NRG3: variants seen among roughly 807,000 people sequenced by gnomAD.
The protein encoded by NRG3 is neuregulin 3.
Under a neutral mutation model 66.9 loss-of-function variants are expected in NRG3, and 31 were observed. The observed-to-expected ratio is 0.46, with a 90% confidence interval of 0.35 to 0.63. NRG3 has a LOEUF of 0.63. NRG3 is among the 20% of genes least tolerant of loss of function. The pLI is 0.00. For synonymous variants in NRG3, 393 were observed against 359.4 expected (o/e 1.09, Z -1.06); for missense variants, 910 against 878.9 (o/e 1.04, Z -0.45).
At chr10:82,901,445 A>G (rs926360505) in intron 4 of NRG3, among the ~76,000 whole-genome samples, 2 of 151,532 alleles carry the variant, frequency 1.3e-5, no homozygotes, top group African/African-American at 4.9e-5. Flanking sequence ...AAAGGATGGA[A>G]GCCAAAAAAA....
At chr10:82,753,729 A>T (rs1279455271) in intron 3 of NRG3, among the ~76,000 whole-genome samples, 1 of 151,994 alleles carries the variant, frequency 6.6e-6, no homozygotes, top group Non-Finnish European at 1.5e-5. Context: ...TGGGCAGATC[A>T]TGAGGTTAGG....
intron 1 of NRG3, among the ~76,000 whole-genome samples, chr10:82,339,482 C>T (rs2082567475): frequency 6.6e-6 from 1 of 152,110 alleles, no homozygotes; most frequent in African/African-American, 2.4e-5. Flanking sequence ...TGAGAACTCA[C>T]TCACTATCAC....
chr10:82,265,632 G>C (rs951302463), intron 1 of NRG3, among the ~76,000 whole-genome samples: 1 of 152,274 alleles, frequency 6.6e-6, no homozygotes, highest in African/African-American at 2.4e-5. Context: ...ATTGGAGAAT[G>C]GCTGGTTAAC....
At position 82,985,894 on chromosome 10, in the gene NRG3, C is replaced by A. The variant is rs1853402985; in HGVS notation, c.*289C>A. 1 of 273,346 alleles carries A rather than the reference C, an allele frequency of 3.7e-6. No individual in the cohort carries two copies. The highest frequency in any genetic ancestry group is 8.8e-5 in the East Asian group (1 of 11,340). The allele number at this position is 273,346 out of a possible 1,614,324, so 16.9% of individuals were successfully genotyped here. A position where few individuals can be genotyped will look rare whatever the true frequency, so the allele number is the denominator to read the frequency against. ...TCTTAGAAGATGTGGGCAATTCAGACCCTTGGCCCCACAGTGCCAGTGTCT... is the reference window on the plus strand; with the variant it reads ...TCTTAGAAGATGTGGGCAATTCAGAACCTTGGCCCCACAGTGCCAGTGTCT... On this transcript the variant is annotated 3_prime_UTR_variant, in exon 9 of 9. Transcript: ENST00000372141.
chr10:82,006,235 T>C (rs1329535429), intron 1 of NRG3, among the ~76,000 whole-genome samples: 1 of 152,132 alleles, frequency 6.6e-6, no homozygotes, highest in Admixed American at 6.5e-5. Flanking sequence ...ATCTTTGACA[T>C]ATTTATTGGC....
At chr10:82,520,326 ATCT>A (rs1040763436) in intron 2 of NRG3, among the ~76,000 whole-genome samples, 1 of 151,766 alleles carries the variant, frequency 6.6e-6, no homozygotes, top group East Asian at 1.9e-4. Context: ...ATGGATCCAA[ATCT>A]TCTAGTCTCC....
intron 2 of NRG3, among the ~76,000 whole-genome samples, chr10:82,694,494 C>G (rs1444476206): frequency 6.6e-6 from 1 of 152,148 alleles, no homozygotes; most frequent in Non-Finnish European, 1.5e-5. Flanking sequence ...GTGGCTCACT[C>G]CTGTAATCCC....
chr10:82,499,046 A>G (rs2132322694), intron 2 of NRG3, among the ~76,000 whole-genome samples: 1 of 152,276 alleles, frequency 6.6e-6, no homozygotes, highest in East Asian at 1.9e-4. Context: ...AGCCCATTTG[A>G]AAAGGAAATG....
intron 2 of NRG3, among the ~76,000 whole-genome samples, chr10:82,563,447 T>C (rs2045187705): frequency 6.6e-6 from 1 of 152,110 alleles, no homozygotes; most frequent in Non-Finnish European, 1.5e-5. Flanking sequence ...AATCATGCAA[T>C]ATGGCTATTT....
At chr10:82,750,071 A>G (rs1290409014) in intron 3 of NRG3, among the ~76,000 whole-genome samples, 1 of 152,196 alleles carries the variant, frequency 6.6e-6, no homozygotes, top group Admixed American at 6.5e-5. Context: ...TGTTAACTAG[A>G]CTTTCCTAAA....
At chr10:82,842,019 AT>A (rs1403573067) in intron 3 of NRG3, among the ~76,000 whole-genome samples, 1 of 152,118 alleles carries the variant, frequency 6.6e-6, no homozygotes, top group Non-Finnish European at 1.5e-5. Flanking sequence ...CTGCAGGATA[AT>A]TTTAAAAATC....
intron 3 of NRG3, among the ~76,000 whole-genome samples, chr10:82,824,799 C>A (rs2096142961): frequency 1.3e-5 from 2 of 151,804 alleles, no homozygotes; most frequent in South Asian, 4.2e-4. Context: ...TCACTTCAGC[C>A]TTGACCTCCT....
At chr10:82,279,463 T>C (rs905832525) in intron 1 of NRG3, among the ~76,000 whole-genome samples, 8 of 152,226 alleles carry the variant, frequency 5.3e-5, no homozygotes, top group Non-Finnish European at 2.9e-5. Flanking sequence ...AATAATGTTT[T>C]GGCTTCACAT....
intron 1 of NRG3, among the ~76,000 whole-genome samples, chr10:82,109,551 G>A (rs999786158): frequency 8.0e-6 from 1 of 125,496 alleles, no homozygotes; most frequent in African/African-American, 3.2e-5. Context: ...GTGTGTGTGT[G>A]TGTGTGTGTG....
intron 1 of NRG3, among the ~76,000 whole-genome samples, chr10:82,195,071 G>A: frequency 6.6e-6 from 1 of 151,938 alleles, no homozygotes; most frequent in Non-Finnish European, 1.5e-5. Flanking sequence ...AGATGTAGGT[G>A]GAGCAAAAAG....
At chr10:82,309,769 G>A (rs764068736) in intron 1 of NRG3, among the ~76,000 whole-genome samples, 3 of 152,150 alleles carry the variant, frequency 2.0e-5, no homozygotes, top group Non-Finnish European at 4.4e-5. Flanking sequence ...TCACAGTGTC[G>A]GGGAGGTAAG....
At chr10:82,913,209 A>G (rs547536892) in intron 4 of NRG3, among the ~76,000 whole-genome samples, 10 of 152,192 alleles carry the variant, frequency 6.6e-5, no homozygotes, top group Admixed American at 1.3e-4. Flanking sequence ...TGGGTGACAG[A>G]GCGAGACTCA....
At chr10:82,851,043 C>T (rs1591721461) in intron 3 of NRG3, among the ~76,000 whole-genome samples, 1 of 152,236 alleles carries the variant, frequency 6.6e-6, no homozygotes, top group Non-Finnish European at 1.5e-5. Context: ...ATAGAACCGA[C>T]TTTATAATAT....
chr10:82,958,826 G>A (rs12415088), intron 5 of NRG3, 123 bp from the exon 6 acceptor site: 517,153 of 1,163,038 alleles, frequency 0.44, 119,303 homozygotes, highest in Non-Finnish European at 0.48. Context: ...GGTTCTCTTC[G>A]TTAGCTGAGT....
Sources: gnomAD v4.1 joint callset for allele counts (sites outside exome capture counted in the v4.1 genomes callset) on GRCh38, gnomAD v4.1.1 for gene constraint, MANE v1.5 for transcripts, NCBI Gene and HGNC (gene_info 2026-07-23, HGNC 2026-07-21) for gene names.